Variants in FSTL5 observed in about 807,000 individuals in gnomAD.
FSTL5 encodes follistatin like 5.
FSTL5 carries 62 observed loss-of-function variants against 89.1 expected under a neutral mutation model. The observed-to-expected ratio is 0.70, with a 90% CI of 0.57 to 0.86. The LOEUF is 0.86. FSTL5 is among the 40% of genes least tolerant of loss of function. The pLI, the probability that FSTL5 is intolerant of heterozygous loss-of-function variation, is 0.00. For synonymous variants in FSTL5, 383 were observed against 346.2 expected, an observed-to-expected ratio of 1.11 and a Z score of -1.18; for missense variants, 1,057 against 1,001.6, an observed-to-expected ratio of 1.06 and a Z score of -0.75.
chr4:161,587,598 A>G (rs1733661757), intron 7 of FSTL5, 23 bp from the exon 8 acceptor site: 6 of 1,565,182 alleles, frequency 3.8e-6, no homozygotes, highest in South Asian at 1.2e-5. Context: ...AAATAAAACA[A>G]GGTGTTTGCA....
intron 4 of FSTL5, among the ~76,000 whole-genome samples, chr4:161,795,131 G>C (rs934868123): frequency 7.2e-5 from 11 of 151,942 alleles, no homozygotes; most frequent in African/African-American, 2.7e-4. Context: ...GACTAAAGGA[G>C]TGCAGAAAAA....
chr4:161,387,625 A>C (rs1273746848), intron 15 of FSTL5: 2 of 152,040 alleles, frequency 1.3e-5, no homozygotes, highest in African/African-American at 2.4e-5. Context: ...AAATGTCAGC[A>C]TTTAGCAAGC....
chr4:161,729,065 G>A (rs1739514472), intron 6 of FSTL5, among the ~76,000 whole-genome samples: 2 of 151,986 alleles, frequency 1.3e-5, no homozygotes, highest in African/African-American at 4.8e-5. Context: ...CTCTTCCTGA[G>A]GCCAGCTGAG....
chr4:161,443,167 T>C (rs1461973265), intron 15 of FSTL5, among the ~76,000 whole-genome samples: 4 of 151,974 alleles, frequency 2.6e-5, no homozygotes, highest in Non-Finnish European at 5.9e-5. Context: ...AAAGTCTCAC[T>C]GCAACATATG....
At chr4:161,519,460 A>G (rs1368650377) in intron 10 of FSTL5, among the ~76,000 whole-genome samples, 1 of 152,114 alleles carries the variant, frequency 6.6e-6, no homozygotes, top group Non-Finnish European at 1.5e-5. Flanking sequence ...CGGGAGGTGG[A>G]GCTTGCAGTG....
chr4:161,738,659 C>T (rs530249623), intron 6 of FSTL5, among the ~76,000 whole-genome samples: 134 of 152,172 alleles, frequency 8.8e-4, no homozygotes, highest in Middle Eastern at 3.4e-3. Flanking sequence ...AGACACCTAG[C>T]TGAAAGGTAA....
intron 8 of FSTL5, among the ~76,000 whole-genome samples, chr4:161,582,901 G>A (rs1012872391): frequency 1.3e-5 from 2 of 152,016 alleles, no homozygotes; most frequent in African/African-American, 4.8e-5. Context: ...AAAAAGTTCT[G>A]TCTCAGCCGG....
intron 6 of FSTL5, among the ~76,000 whole-genome samples, chr4:161,716,932 T>C (rs1188924617): frequency 6.6e-6 from 1 of 152,208 alleles, no homozygotes; most frequent in Admixed American, 6.5e-5. Flanking sequence ...GGTAAAAATA[T>C]CTGTGTAGTA....
intron 5 of FSTL5, among the ~76,000 whole-genome samples, chr4:161,768,622 C>T (rs982827016): frequency 6.6e-6 from 1 of 151,956 alleles, no homozygotes; most frequent in African/African-American, 2.4e-5. Flanking sequence ...CACCGTCTAT[C>T]TCTCTTATAC....
At chr4:161,577,781 C>A (rs1280721804) in intron 8 of FSTL5, among the ~76,000 whole-genome samples, 1 of 152,074 alleles carries the variant, frequency 6.6e-6, no homozygotes, top group Non-Finnish European at 1.5e-5. Context: ...CCACTACAAT[C>A]AGGGAGCTTA....
At chr4:162,130,780 C>T (rs1412071747) in intron 1 of FSTL5, among the ~76,000 whole-genome samples, 3 of 152,076 alleles carry the variant, frequency 2.0e-5, no homozygotes, top group African/African-American at 7.2e-5. Flanking sequence ...AAGATGAACA[C>T]ATTGACAAAA....
At chr4:161,813,863 G>A (rs1186168229) in intron 4 of FSTL5, among the ~76,000 whole-genome samples, 2 of 152,022 alleles carry the variant, frequency 1.3e-5, no homozygotes, top group African/African-American at 4.8e-5. Flanking sequence ...GAAGTACAAA[G>A]TATATTTTAT....
At chr4:161,899,017 C>T (rs1306047492) in intron 4 of FSTL5, among the ~76,000 whole-genome samples, 2 of 152,046 alleles carry the variant, frequency 1.3e-5, no homozygotes, top group Admixed American at 6.6e-5. Context: ...AGTTTTCTTT[C>T]GGGAAGATGC....
chr4:161,863,306 T>C (rs761202628), intron 4 of FSTL5, among the ~76,000 whole-genome samples: 7 of 152,224 alleles, frequency 4.6e-5, no homozygotes, highest in African/African-American at 9.6e-5. Context: ...GGTTGCCAAC[T>C]ACTTTTTACT....
chr4:161,975,472 A>G (rs1177191702), intron 3 of FSTL5, among the ~76,000 whole-genome samples: 1 of 150,634 alleles, frequency 6.6e-6, no homozygotes, highest in African/African-American at 2.4e-5. Context: ...ATGAAATTGG[A>G]AATCATCATT....
chr4:162,119,211 A>C (rs1306820346), intron 1 of FSTL5, among the ~76,000 whole-genome samples: 2 of 150,236 alleles, frequency 1.3e-5, no homozygotes, highest in Non-Finnish European at 3.0e-5. Context: ...TGGGCAACAG[A>C]GTGAGATCCT....
intron 4 of FSTL5, among the ~76,000 whole-genome samples, chr4:161,782,329 A>G (rs902904616): frequency 2.2e-4 from 34 of 152,192 alleles, no homozygotes; most frequent in African/African-American, 8.0e-4. Context: ...AGTCTCTTCC[A>G]AAGTGGCCGT....
At position 161,920,484 on chromosome 4, in the gene FSTL5, T is replaced by C; in HGVS notation, c.329A>G (p.Asn110Ser). 6.2e-7 allele frequency: 1 copy of C among 1,613,950 alleles called. No individual in the cohort carries two copies. The highest frequency in any genetic ancestry group is 8.5e-7 in the Non-Finnish European group (1 of 1,179,970). The change falls in exon 4 of 16, where the codon AAC (asparagine) becomes AGC (serine). Residue 110 changes from asparagine (N) to serine (S), a missense_variant. Around this residue, in one of 3 missense-constraint regions of FSTL5, gnomAD observed 980 missense variants for 903.2 expected, o/e 1.08. Transcript: ENST00000306100. ...AGCAGCTCTGTGCACTTCACAGTGG[T>C]TTTCATAGAATTCTCCGTCAGATCC... ...VCGSDGEFYE[N>S]HCEVHRAACL...
intron 2 of FSTL5, among the ~76,000 whole-genome samples, chr4:162,050,043 T>C (rs1738329123): frequency 6.6e-6 from 1 of 151,986 alleles, no homozygotes; most frequent in Non-Finnish European, 1.5e-5. Flanking sequence ...TTAAGTGATA[T>C]AGGTTTTTAA....
Sources: gnomAD v4.1 joint callset for allele counts (sites outside exome capture counted in the v4.1 genomes callset) on GRCh38, gnomAD v4.1.1 for gene constraint, gnomAD v4.1.1 regional missense constraint, MANE v1.5 for transcripts, NCBI Gene and HGNC (gene_info 2026-07-23, HGNC 2026-07-21) for gene names.